The following DLGAP2 variants were observed in gnomAD, a reference collection of about 807,000 sequenced individuals.
The protein encoded by DLGAP2 is disks large-associated protein 2.
In DLGAP2, 26 loss-of-function variants were observed where a neutral mutation model predicts 100.3. The ratio of observed to expected loss-of-function variants is 0.26; its 90% CI spans 0.19 to 0.36. The LOEUF (loss-of-function observed/expected upper bound fraction) is 0.36, where lower values mean the gene tolerates loss of function less well. Ranked by LOEUF, DLGAP2 falls within the 10% of genes least tolerant of loss-of-function variation. The pLI is 1.00. For synonymous variants in DLGAP2, 886 were observed against 630.1 expected, an observed-to-expected ratio of 1.41 and a Z score of -6.08; for missense variants, 1,858 against 1,453.2, an observed-to-expected ratio of 1.28 and a Z score of -4.53.
intron 3 of DLGAP2, among the ~76,000 whole-genome samples, chr8:1,319,030 G>A (rs113896368): frequency 0.021 from 3,139 of 149,590 alleles, 113 homozygotes; most frequent in African/African-American, 0.073. Flanking sequence ...GTGCGAGCTC[G>A]GTGGCGAACA....
chr8:957,628 A>G (rs1297092609), intron 2 of DLGAP2, among the ~76,000 whole-genome samples: 1 of 152,224 alleles, frequency 6.6e-6, no homozygotes, highest in Non-Finnish European at 1.5e-5. Flanking sequence ...TAGTGTTGAA[A>G]TAGTCAAATG....
At chr8:1,222,418 T>C (rs149035559) in intron 2 of DLGAP2, among the ~76,000 whole-genome samples, 1,644 of 152,250 alleles carry the variant, frequency 0.011, 18 homozygotes, top group Middle Eastern at 0.058. Context: ...CCCATGGCTT[T>C]GTTCTCTGGC....
At chr8:1,119,415 C>T (rs1189292421) in intron 2 of DLGAP2, among the ~76,000 whole-genome samples, 1 of 152,226 alleles carries the variant, frequency 6.6e-6, no homozygotes, top group East Asian at 1.9e-4. Context: ...CATGTGAGTG[C>T]TGGTTTTATT....
At chr8:1,495,296 G>T in intron 3 of DLGAP2, among the ~76,000 whole-genome samples, 1 of 152,184 alleles carries the variant, frequency 6.6e-6, no homozygotes, top group Non-Finnish European at 1.5e-5. Context: ...GGCTGGCTCA[G>T]ATGCCCGGCA....
intron 1 of DLGAP2, among the ~76,000 whole-genome samples, chr8:903,444 C>T (rs1012356957): frequency 2.8e-4 from 43 of 152,252 alleles, no homozygotes; most frequent in African/African-American, 1.0e-3. Context: ...AAATCAGCCA[C>T]AACAGGCCTG....
intron 6 of DLGAP2, among the ~76,000 whole-genome samples, chr8:1,604,393 A>T (rs1334166185): frequency 6.6e-6 from 1 of 152,132 alleles, no homozygotes; most frequent in Non-Finnish European, 1.5e-5. Context: ...ATCCAAATAG[A>T]TCCATGTTTC....
intron 12 of DLGAP2, 146 bp from the exon 13 acceptor site, chr8:1,691,389 G>A: frequency 1.5e-6 from 1 of 651,768 alleles, no homozygotes; most frequent in Non-Finnish European, 2.6e-6. Flanking sequence ...TAAGGCACGA[G>A]TCACCAGCGA....
rs939612430 is a variant in DLGAP2 at position 1,364,504 on chromosome 8, G to T, written c.106+105621G>T. Among the ~76,000 whole-genome samples, 3 of 150,356 alleles carry T rather than the reference G, an allele frequency of 2.0e-5. No individual in the cohort carries two copies. In the East Asian group the frequency reaches 6.2e-4, roughly 31 times the overall value. On this transcript the variant is annotated intron_variant, in intron 3 of 14. Transcript: ENST00000637795. ...GCGGGCGCCGGTCATGGGAAGGGCG[G>T]GGGGGGTGCAGCGAAGCAGACACAT...
intron 2 of DLGAP2, among the ~76,000 whole-genome samples, chr8:1,238,532 C>A (rs1463675565): frequency 1.7e-5 from 2 of 115,496 alleles, no homozygotes; most frequent in Admixed American, 8.3e-5. Flanking sequence ...GGCGCCGTGT[C>A]TGGTTCTCTC....
At chr8:892,817 T>C (rs1333337748) in intron 1 of DLGAP2, among the ~76,000 whole-genome samples, 1 of 151,980 alleles carries the variant, frequency 6.6e-6, no homozygotes, top group Non-Finnish European at 1.5e-5. Flanking sequence ...AATTTAGGGT[T>C]TTTCCTGCTG....
At chr8:1,185,262 G>T (rs2116711863) in intron 2 of DLGAP2, among the ~76,000 whole-genome samples, 1 of 152,228 alleles carries the variant, frequency 6.6e-6, no homozygotes, top group East Asian at 1.9e-4. Flanking sequence ...GGGGCTCTGA[G>T]AGTTTCTTTG....
chr8:1,561,502 G>A (rs1004706108), intron 5 of DLGAP2, among the ~76,000 whole-genome samples: 10 of 152,150 alleles, frequency 6.6e-5, no homozygotes, highest in African/African-American at 2.4e-4. Context: ...GGTGGAGGGA[G>A]AATCTGGAAC....
chr8:1,190,131 T>C lies in DLGAP2; in HGVS notation c.74-68720T>C, dbSNP rs371408171. ...CTGCTAATAATAAACAACTGCACTT[T>C]GTAGGGCCTGAGTTGAGTTATGGAT... On this transcript the variant is annotated intron_variant, in intron 2 of 14. Transcript: ENST00000637795. Among the ~76,000 whole-genome samples the C allele has an allele frequency of 1.6e-4, 25 of 152,294 alleles. No homozygotes were observed. In the South Asian group the frequency reaches 4.6e-3, roughly 28 times the overall value.
chr8:741,112 T>C (rs575812693), intron 1 of DLGAP2, among the ~76,000 whole-genome samples: 1 of 152,376 alleles, frequency 6.6e-6, no homozygotes, highest in South Asian at 2.1e-4. Flanking sequence ...TTCTTCAATA[T>C]GTTTTGTTGT....
intron 1 of DLGAP2, among the ~76,000 whole-genome samples, chr8:873,492 G>A (rs1226708228): frequency 1.3e-5 from 2 of 152,036 alleles, no homozygotes; most frequent in Non-Finnish European, 2.9e-5. Context: ...TTAAGTCAAG[G>A]AACTTTCCTT....
At chr8:754,483 G>C (rs1432170815) in intron 1 of DLGAP2, among the ~76,000 whole-genome samples, 1 of 152,184 alleles carries the variant, frequency 6.6e-6, no homozygotes, top group Non-Finnish European at 1.5e-5. Context: ...AACAATGGTT[G>C]CAGTGTCATT....
At chr8:1,329,889 G>A (rs1188148707) in intron 3 of DLGAP2, among the ~76,000 whole-genome samples, 12 of 152,208 alleles carry the variant, frequency 7.9e-5, no homozygotes, top group Admixed American at 7.8e-4. Flanking sequence ...CTGCTGAAGT[G>A]CACAACTCAT....
At chr8:823,310 CATTATT>C (rs5888817) in intron 1 of DLGAP2, among the ~76,000 whole-genome samples, 38,678 of 148,262 alleles carry the variant, frequency 0.26, 5,445 homozygotes, top group African/African-American at 0.37. Flanking sequence ...AGCTTGAATT[CATTATT>C]ATTATTATTA....
intron 3 of DLGAP2, among the ~76,000 whole-genome samples, chr8:1,469,372 A>T (rs926134192): frequency 6.6e-6 from 1 of 152,122 alleles, no homozygotes; most frequent in Non-Finnish European, 1.5e-5. Context: ...GGCTCCTAGG[A>T]GCCGGCTGTT....
Sources: allele counts gnomAD v4.1 joint callset (sites outside exome capture counted in the v4.1 genomes callset), GRCh38; gene constraint gnomAD v4.1.1; transcripts MANE v1.5; gene names NCBI Gene and HGNC (gene_info 2026-07-23, HGNC 2026-07-21).